The following C15orf39 variants were observed in gnomAD, a reference collection of about 807,000 sequenced individuals.
The protein encoded by C15orf39 is uncharacterized protein C15orf39.
In C15orf39, 24 loss-of-function variants were observed where a neutral mutation model predicts 53.9. That is an observed-to-expected ratio of 0.45 (90% CI 0.32 to 0.63). C15orf39 has a LOEUF of 0.63. Among genes scored for constraint, C15orf39 ranks in the 20% least tolerant of loss-of-function variants. The pLI, the probability that C15orf39 is intolerant of heterozygous loss-of-function variation, is 0.04. For synonymous variants in C15orf39, 569 were observed against 576.5 expected (o/e 0.99, Z 0.19); for missense variants, 1,271 against 1,347.9 (o/e 0.94, Z 0.89).
Position 75,211,170 on chromosome 15 carries a change from C to T in C15orf39, c.*54C>T. 1.3e-6 allele frequency: 2 copies of T among 1,526,956 alleles called. No homozygotes were observed. The highest frequency in any genetic ancestry group is 8.8e-7 in the Non-Finnish European group (1 of 1,140,612). The allele number at this position is 1,526,956 out of a possible 1,614,324, so 94.6% of individuals were successfully genotyped here. On this transcript the variant is annotated 3_prime_UTR_variant, in exon 3 of 3. Transcript: ENST00000394987. ...AGTCACTCTCCACCCTTCCCTTCTG[C>T]CTGCCCAGCTGCCCCGGGGCCACGA...
chr15:75,211,295 G>A lies in C15orf39; in HGVS notation c.*179G>A. On this transcript the variant is annotated 3_prime_UTR_variant, in exon 3 of 3. Coordinates refer to ENST00000394987, the MANE Select transcript of C15orf39 (RefSeq NM_015492.5). ...AAGAGCCCCTGAGCTTTTAACGTGA[G>A]GGTCTTTATTGGATAGGACTACTCC... is the stretch of plus-strand genomic sequence containing the variant. The A allele has an allele frequency of 1.3e-6, 1 of 770,532 alleles. No homozygotes were observed. The highest frequency in any genetic ancestry group is 2.0e-6 in the Non-Finnish European group (1 of 504,274). The allele number at this position is 770,532 out of a possible 1,614,324, so 47.7% of individuals were successfully genotyped here.
At position 75,207,847 on chromosome 15, in the gene C15orf39, C is replaced by T. The variant is rs1023127551; in HGVS notation, c.1799C>T (p.Thr600Ile). Residue 600 changes from threonine to isoleucine, a missense_variant, in exon 2 of 3, where the codon ACT (threonine) becomes ATT (isoleucine). Thr to Ile is a moderately conservative substitution (Grantham distance 89). Transcript: ENST00000394987. Reference sequence around the variant, plus strand: ...CGTTCTGTGGAGCATGCCAAGCCTACTGCAGCCATGGATGTGCCAGATGTG... The same window carrying T: ...CGTTCTGTGGAGCATGCCAAGCCTATTGCAGCCATGGATGTGCCAGATGTG... ...ASRSVEHAKP[T>I]AAMDVPDVGN... 1 of 1,613,498 alleles carries T rather than the reference C, an allele frequency of 6.2e-7. No homozygotes were observed. The highest frequency in any genetic ancestry group is 1.3e-5 in the African/African-American group (1 of 75,070).
chr15:75,208,827 G>T lies in C15orf39; in HGVS notation c.2776+3G>T. The T allele has an allele frequency of 6.3e-7, 1 of 1,587,990 alleles. No homozygotes were observed. ...CGACTGTGTACGCCGCCAGCTGGGT[G>T]AGCATGGGGCAGCCCCAGTGGCCAC... On this transcript the variant is annotated splice_donor_region_variant and intron_variant, in intron 2 of 2. Transcript: ENST00000394987.
intron 2 of C15orf39, chr15:75,209,217 A>C: frequency 4.8e-6 from 1 of 207,440 alleles, no homozygotes; most frequent in Non-Finnish European, 9.9e-6. Flanking sequence ...CCCCTTTGTG[A>C]GCTCTAGCCC....
upstream of C15orf39, among the ~76,000 whole-genome samples, chr15:75,201,639 G>A (rs994172830): frequency 2.0e-5 from 3 of 152,248 alleles, no homozygotes; most frequent in Non-Finnish European, 4.4e-5. This position sits in a 1 kb window ranked among gnomAD's most constrained non-coding sequence, Gnocchi z 4.7. Flanking sequence ...GGCAGTGAAT[G>A]AACGATCTAA....
Position 75,207,401 on chromosome 15 carries a change from G to GCC in C15orf39, c.1356_1357dup (p.Arg453ProfsTer113). The GCC allele has an allele frequency of 6.2e-7, 1 of 1,613,362 alleles. No individual in the cohort carries two copies. The highest frequency in any genetic ancestry group is 8.5e-7 in the Non-Finnish European group (1 of 1,180,024). ...CCAGCTGCAGGAAAGAGAAGCTCCA[G>GCC]CCCCGGCTCAGTGAGCACTCTGGGC... On this transcript the variant is annotated frameshift_variant, in exon 2 of 3. Transcript: ENST00000394987. LOFTEE classifies it high-confidence loss of function.
In C15orf39 at chr15:75,207,833, G is replaced by A. The variant is rs201629951; in HGVS notation, c.1785G>A (p.Glu595=). 6.2e-7 allele frequency: 1 copy of A among 1,612,820 alleles called. No homozygotes were observed. The highest frequency in any genetic ancestry group is 8.5e-7 in the Non-Finnish European group (1 of 1,179,640). The change falls in exon 2 of 3, where the codon GAG becomes GAA. Residue 595 remains glutamate (E), a synonymous_variant. Coordinates refer to ENST00000394987, the MANE Select transcript of C15orf39 (RefSeq NM_015492.5). ...CTGTCAAGGCTTCCCGTTCTGTGGA[G>A]CATGCCAAGCCTACTGCAGCCATGG... The part of the protein sequence containing the change: ...ASPVKASRSV[E]HAKPTAAMDV...
In C15orf39 at chr15:75,206,854, A is replaced by ACCCCCCCCCCCC; in HGVS notation, c.809_810insCCCCCCCCCCCC (p.Pro272_His273insProProProPro). 3 of 1,432,814 alleles carry ACCCCCCCCCCCC rather than the reference A, an allele frequency of 2.1e-6. No individual in the cohort carries two copies. The highest frequency in any genetic ancestry group is 1.9e-6 in the Non-Finnish European group (2 of 1,060,046). The allele number at this position is 1,432,814 out of a possible 1,614,324, so 88.8% of individuals were successfully genotyped here. A position where few individuals can be genotyped will look rare whatever the true frequency, so the allele number is the denominator to read the frequency against. On this transcript the variant is annotated inframe_insertion, in exon 2 of 3. Coordinates refer to ENST00000394987, the MANE Select transcript of C15orf39 (RefSeq NM_015492.5). ...TGTCAGGACACCGGGCCCACCCACT[A>ACCCCCCCCCCCC]CCCACCACCCCACCACCCACCACCC... is the stretch of plus-strand genomic sequence containing the variant.
chr15:75,207,734 A>G lies in C15orf39; in HGVS notation c.1686A>G (p.Lys562=). The G allele has an allele frequency of 6.2e-7, 1 of 1,602,566 alleles. No homozygotes were observed. Among genetic ancestry groups the G allele is most frequent in the Non-Finnish European group, 8.5e-7 (1 of 1,173,634 alleles). Residue 562 remains lysine (K), a synonymous_variant, in exon 2 of 3, where the codon AAA becomes AAG. Coordinates refer to ENST00000394987, the MANE Select transcript of C15orf39 (RefSeq NM_015492.5). ...LPAQEGPSGS[K]PLRGSLKEEV... Reference sequence around the variant, plus strand: ...CCCAGGAGGGCCCCTCAGGGAGTAAACCCCTAAGGGGCTCACTTAAGGAGG... The same window carrying G: ...CCCAGGAGGGCCCCTCAGGGAGTAAGCCCCTAAGGGGCTCACTTAAGGAGG...
chr15:75,210,424 T>G (rs2070474992), intron 2 of C15orf39, among the ~76,000 whole-genome samples: 1 of 152,224 alleles, frequency 6.6e-6, no homozygotes, highest in Non-Finnish European at 1.5e-5. Flanking sequence ...CAGGGTCCTC[T>G]GTTCCCATGC....
intron 1 of C15orf39, among the ~76,000 whole-genome samples, chr15:75,204,831 C>T (rs374471753): frequency 6.6e-6 from 1 of 152,168 alleles, no homozygotes; most frequent in Non-Finnish European, 1.5e-5. Flanking sequence ...CTTTCACACA[C>T]GCCCCTGACG....
At chr15:75,199,798 G>A (rs532108498), upstream of C15orf39, among the ~76,000 whole-genome samples, 3 of 152,224 alleles carry the variant, frequency 2.0e-5, no homozygotes, top group East Asian at 3.9e-4. Context: ...AACTCTACTC[G>A]GGAAGGCCAT....
rs2070455609 is a variant in C15orf39 at position 75,208,217 on chromosome 15, A to T, written c.2169A>T (p.Pro723=). The change falls in exon 2 of 3, where the codon CCA becomes CCT. Residue 723 remains proline (P), a synonymous_variant. Coordinates refer to ENST00000394987, the MANE Select transcript of C15orf39 (RefSeq NM_015492.5). ...CTGTGGCCTCCCCTGCCCCTGCTCC[A>T]GCTCCATCCCCTGCTCCGGCTCGAG... ...AVAVASPAPA[P]APSPAPARAQ... 1 of 1,613,192 alleles carries T rather than the reference A, an allele frequency of 6.2e-7. No homozygotes were observed. Among genetic ancestry groups the T allele is most frequent in the Admixed American group, 1.7e-5 (1 of 59,902 alleles).
At chr15:75,200,017 A>G (rs2070391461), upstream of C15orf39, among the ~76,000 whole-genome samples, 1 of 152,224 alleles carries the variant, frequency 6.6e-6, no homozygotes, top group South Asian at 2.1e-4. Context: ...TCAGGAGCTC[A>G]TAGTCTGGGG....
In C15orf39 at chr15:75,209,143, T is replaced by G. The variant is rs878982706; in HGVS notation, c.2776+319T>G. On this transcript the variant is annotated intron_variant, in intron 2 of 2. Transcript: ENST00000394987. ...CCTTCTCCATCTTTGGTGCAGTGTT[T>G]CCGGCACTCTGGTTAGGCCCTGTTT... 8.5e-6 allele frequency: 3 copies of G among 354,458 alleles called. No individual in the cohort carries two copies. In the Admixed American group the frequency reaches 1.4e-4, roughly 16 times the overall value. 22.0% of individuals were successfully genotyped at this position (354,458 alleles called of 1,614,324 possible).
chr15:75,204,390 A>C (rs2070424107), intron 1 of C15orf39, among the ~76,000 whole-genome samples: 1 of 152,110 alleles, frequency 6.6e-6, no homozygotes, highest in Non-Finnish European at 1.5e-5. Context: ...TTTTTTCAGC[A>C]CATAGTTTTT....
At chr15:75,209,779 T>C (rs940287243) in intron 2 of C15orf39, among the ~76,000 whole-genome samples, 1 of 152,168 alleles carries the variant, frequency 6.6e-6, no homozygotes, top group Non-Finnish European at 1.5e-5. Context: ...AAACTGTTCC[T>C]AGTTCCATCC....
intron 2 of C15orf39, chr15:75,209,338 T>C (rs1238541664): frequency 6.4e-6 from 1 of 155,118 alleles, no homozygotes; most frequent in Non-Finnish European, 1.4e-5. Context: ...CACAACCAGT[T>C]CTTTTCCATG....
At chr15:75,205,908 G>A in intron 1 of C15orf39, 91 bp from the exon 2 acceptor site, 2 of 851,138 alleles carry the variant, frequency 2.3e-6, no homozygotes, top group Non-Finnish European at 3.5e-6. Flanking sequence ...GTTCTTAGGT[G>A]TAGCCGTGAG....
Sources: gnomAD v4.1 joint callset for allele counts (sites outside exome capture counted in the v4.1 genomes callset) on GRCh38, gnomAD v4.1.1 for gene constraint, Gnocchi (gnomAD v3.1) non-coding constraint, MANE v1.5 for transcripts, NCBI Gene and HGNC (gene_info 2026-07-23, HGNC 2026-07-21) for gene names.